Variants in ZBTB44 observed in about 807,000 individuals in gnomAD.
ZBTB44 encodes zinc finger and BTB domain containing 44.
Under a neutral mutation model 54.0 loss-of-function variants are expected in ZBTB44, and 15 were observed. The ratio of observed to expected loss-of-function variants is 0.28; its 90% confidence interval spans 0.19 to 0.43. The LOEUF is 0.43. Among genes scored for constraint, ZBTB44 ranks in the 20% least tolerant of loss-of-function variants. The pLI is 1.00. For synonymous variants in ZBTB44, 230 were observed against 250.1 expected, an observed-to-expected ratio of 0.92 and a Z score of 0.76; for missense variants, 487 against 707.1, an observed-to-expected ratio of 0.69 and a Z score of 3.53.
intron 1 of ZBTB44, among the ~76,000 whole-genome samples, chr11:130,282,240 C>T (rs1472976480): frequency 6.6e-6 from 1 of 152,118 alleles, no homozygotes; most frequent in East Asian, 1.9e-4. Context: ...CATCACTATC[C>T]GTCTCTGGAG....
At chr11:130,312,797 T>G (rs1942693341) in intron 1 of ZBTB44, among the ~76,000 whole-genome samples, 1 of 152,174 alleles carries the variant, frequency 6.6e-6, no homozygotes, top group African/African-American at 2.4e-5. Context: ...ACTGAGGAAT[T>G]TTGAAGATGG....
chr11:130,281,923 C>A (rs1940555857), intron 1 of ZBTB44, among the ~76,000 whole-genome samples: 1 of 152,038 alleles, frequency 6.6e-6, no homozygotes, highest in Admixed American at 6.6e-5. Context: ...TGATGATGTG[C>A]CCATGTCATT....
chr11:130,285,008 A>C (rs1422477545), intron 1 of ZBTB44: 1 of 155,972 alleles, frequency 6.4e-6, no homozygotes, highest in East Asian at 1.9e-4. Context: ...AAACGATCTG[A>C]CCATAATGCA....
At chr11:130,296,910 C>G in intron 1 of ZBTB44, 1 of 731,408 alleles carries the variant, frequency 1.4e-6, no homozygotes, top group Non-Finnish European at 2.5e-6. Context: ...CTTTGTTGAT[C>G]TGAATGTCAA....
At chr11:130,254,585 G>C (rs1211856100) in intron 2 of ZBTB44, among the ~76,000 whole-genome samples, 1 of 152,174 alleles carries the variant, frequency 6.6e-6, no homozygotes, top group Non-Finnish European at 1.5e-5. Flanking sequence ...ACAGGTGCTG[G>C]AGAGGATGTG....
In ZBTB44 at chr11:130,229,951, T is replaced by TC. The variant is rs1953815293; in HGVS notation, c.*1812_*1813insG. 6.6e-5 allele frequency: 10 copies of TC among 152,128 alleles called. No homozygotes were observed. The highest frequency in any genetic ancestry group is 6.5e-4 in the Admixed American group (10 of 15,268). The allele number at this position is 152,128 out of a possible 1,614,324, so 9.4% of individuals were successfully genotyped here. A position where few individuals can be genotyped will look rare whatever the true frequency, so the allele number is the denominator to read the frequency against. On this transcript the variant is annotated 3_prime_UTR_variant, in exon 8 of 8. Transcript: ENST00000357899. ...TTCACTTGGATGTGTATTTCAGAAT[T>TC]ACAGCTTCATACTTTGCAGATGACT...
intron 1 of ZBTB44, among the ~76,000 whole-genome samples, chr11:130,276,395 T>TATTTACTTGTTGACCTTTTA (rs1158527640): frequency 6.6e-6 from 1 of 151,932 alleles, no homozygotes; most frequent in Non-Finnish European, 1.5e-5. Context: ...TTATAGCGTC[T>TATTTACTTGTTGACCTTTTA]ATTTACTTGT....
chr11:130,259,395 C>T (rs979372300), intron 2 of ZBTB44, among the ~76,000 whole-genome samples: 25 of 152,148 alleles, frequency 1.6e-4, no homozygotes, highest in African/African-American at 6.0e-4. Flanking sequence ...GACAGTGTGG[C>T]GATTCCTCAT....
chr11:130,296,778 G>A, intron 1 of ZBTB44: 1 of 779,104 alleles, frequency 1.3e-6, no homozygotes. Flanking sequence ...TTGTAAGTCA[G>A]CCCAGGAAGC....
At chr11:130,295,718 T>C (rs1941600737) in intron 1 of ZBTB44, 3 of 1,527,108 alleles carry the variant, frequency 2.0e-6, no homozygotes, top group East Asian at 2.3e-5. Flanking sequence ...TTCTAGCAGC[T>C]GCAAAAACAG....
At chr11:130,283,490 C>T (rs779982644) in intron 1 of ZBTB44, among the ~76,000 whole-genome samples, 2 of 152,070 alleles carry the variant, frequency 1.3e-5, no homozygotes, top group Non-Finnish European at 2.9e-5. Flanking sequence ...AAAAGCAAAG[C>T]GCACCAGACT....
chr11:130,263,764 T>C (rs1939048514), intron 1 of ZBTB44, among the ~76,000 whole-genome samples: 2 of 152,178 alleles, frequency 1.3e-5, no homozygotes, highest in Non-Finnish European at 2.9e-5. Flanking sequence ...AAAGAGTAGA[T>C]ATGAAAAGGA....
At chr11:130,257,780 C>T (rs1305850125) in intron 2 of ZBTB44, among the ~76,000 whole-genome samples, 1 of 152,112 alleles carries the variant, frequency 6.6e-6, no homozygotes, top group African/African-American at 2.4e-5. Flanking sequence ...TTGGACAAAT[C>T]TTTATTATTC....
chr11:130,303,256 A>C (rs575274164), intron 1 of ZBTB44, among the ~76,000 whole-genome samples: 1 of 152,364 alleles, frequency 6.6e-6, no homozygotes, highest in South Asian at 2.1e-4. Flanking sequence ...AGTCTTAGTT[A>C]CACGTTGCCA....
intron 1 of ZBTB44, among the ~76,000 whole-genome samples, chr11:130,284,614 A>G (rs750231243): frequency 2.0e-5 from 3 of 152,122 alleles, no homozygotes; most frequent in Non-Finnish European, 4.4e-5. Context: ...CACCCCTGTA[A>G]TTCCAGCACT....
Position 130,271,687 on chromosome 11 carries a change from TACTCC to T in ZBTB44, c.-56-9763_-56-9759del, listed in dbSNP as rs371465792. Among the ~76,000 whole-genome samples the T allele has an allele frequency of 2.6e-4, 40 of 152,290 alleles. No homozygotes were observed. The East Asian group carries it at 4.8e-3, about 18-fold the overall frequency. On this transcript the variant is annotated intron_variant, in intron 1 of 7. Transcript: ENST00000357899. ...TCATTTACATTTATTGCTGAAAAAATACTCCACTCCATATTCCGCATTTTTATTAT... is the reference window on the plus strand; with the variant it reads ...TCATTTACATTTATTGCTGAAAAAATACTCCATATTCCGCATTTTTATTAT...
At chr11:130,308,458 T>C (rs1044374522) in intron 1 of ZBTB44, among the ~76,000 whole-genome samples, 4 of 152,244 alleles carry the variant, frequency 2.6e-5, no homozygotes, top group African/African-American at 9.6e-5. Context: ...CTTATTGTGA[T>C]ACTCTAGGCA....
intron 1 of ZBTB44, among the ~76,000 whole-genome samples, chr11:130,284,101 C>CA (rs1431574499): frequency 6.6e-6 from 1 of 151,904 alleles, no homozygotes; most frequent in Non-Finnish European, 1.5e-5. Flanking sequence ...CCAGCCTGGC[C>CA]AACATGGCGA....
At chr11:130,306,234 G>A (rs930185010) in intron 1 of ZBTB44, among the ~76,000 whole-genome samples, 3 of 152,164 alleles carry the variant, frequency 2.0e-5, no homozygotes, top group Non-Finnish European at 2.9e-5. Flanking sequence ...TGGGCACGAT[G>A]GCTCACACTT....
Sources: allele counts gnomAD v4.1 joint callset (sites outside exome capture counted in the v4.1 genomes callset), GRCh38; gene constraint gnomAD v4.1.1; transcripts MANE v1.5; gene names NCBI Gene and HGNC (gene_info 2026-07-23, HGNC 2026-07-21).